Variants in RGS7 observed in about 807,000 individuals in gnomAD.
RGS7 encodes regulator of G-protein signaling 7.
Under a neutral mutation model 81.1 loss-of-function variants are expected in RGS7, and 27 were observed. The ratio of observed to expected loss-of-function variants is 0.33; its 90% CI spans 0.25 to 0.46. RGS7 has a LOEUF of 0.46. Ranked by LOEUF, RGS7 falls within the 20% of genes least tolerant of loss-of-function variation. The pLI, the probability that RGS7 is intolerant of heterozygous loss-of-function variation, is 1.00. For synonymous variants in RGS7, 208 were observed against 207.7 expected (o/e 1.00, Z -0.01); for missense variants, 396 against 607.4 (o/e 0.65, Z 3.66).
chr1:240,885,167 T>A (rs1424821320), intron 6 of RGS7, among the ~76,000 whole-genome samples: 1 of 152,208 alleles, frequency 6.6e-6, no homozygotes, highest in Non-Finnish European at 1.5e-5. Flanking sequence ...ATGTCACTGA[T>A]CATTAGAGAA....
chr1:240,970,343 C>G (rs1683000331), intron 4 of RGS7, among the ~76,000 whole-genome samples: 1 of 152,192 alleles, frequency 6.6e-6, no homozygotes, highest in South Asian at 2.1e-4. Flanking sequence ...GAAGACCTTT[C>G]AGTACATTCT....
intron 2 of RGS7, among the ~76,000 whole-genome samples, chr1:241,330,920 C>A (rs892994338): frequency 1.3e-5 from 2 of 152,150 alleles, no homozygotes; most frequent in African/African-American, 4.8e-5. Flanking sequence ...CACACATACC[C>A]CCTAAATCTA....
intron 2 of RGS7, among the ~76,000 whole-genome samples, chr1:241,265,870 A>C (rs1395027606): frequency 1.2e-4 from 18 of 144,042 alleles, no homozygotes; most frequent in Admixed American, 2.9e-4. Context: ...TCTCGGCTCA[A>C]CGCAACCTCC....
At chr1:241,302,418 A>G (rs1366837711) in intron 2 of RGS7, among the ~76,000 whole-genome samples, 7 of 152,112 alleles carry the variant, frequency 4.6e-5, no homozygotes, top group African/African-American at 1.7e-4. Context: ...GCATGGTTGC[A>G]GGCGCCTGTA....
intron 5 of RGS7, among the ~76,000 whole-genome samples, chr1:240,932,876 CTTTT>C (rs36194238): frequency 1.2e-4 from 7 of 57,310 alleles, no homozygotes; most frequent in South Asian, 8.1e-4. Flanking sequence ...TGGTATCTTT[CTTTT>C]TTTTTTTTTT....
At chr1:241,208,973 C>G (rs1308805143) in intron 2 of RGS7, among the ~76,000 whole-genome samples, 1 of 152,206 alleles carries the variant, frequency 6.6e-6, no homozygotes, top group East Asian at 1.9e-4. Flanking sequence ...AGAACAGGTG[C>G]TCCAGTGGAG....
At chr1:240,886,451 T>C (rs971862534) in intron 6 of RGS7, among the ~76,000 whole-genome samples, 8 of 152,192 alleles carry the variant, frequency 5.3e-5, no homozygotes, top group African/African-American at 1.9e-4. Context: ...AATAACTGTA[T>C]CCAACCCTGT....
chr1:241,046,063 G>A (rs1249454055), intron 3 of RGS7, among the ~76,000 whole-genome samples: 4 of 152,110 alleles, frequency 2.6e-5, no homozygotes, highest in Non-Finnish European at 5.9e-5. Context: ...TGTGGTTTAT[G>A]AGTTTAGGGT....
chr1:241,071,921 A>G (rs2062492739), intron 3 of RGS7, among the ~76,000 whole-genome samples: 1 of 150,614 alleles, frequency 6.6e-6, no homozygotes, highest in African/African-American at 2.4e-5. Flanking sequence ...AGGAAAGAAT[A>G]TACTATGTGA....
intron 10 of RGS7, among the ~76,000 whole-genome samples, chr1:240,824,334 C>A (rs13376172): frequency 0.42 from 64,224 of 152,150 alleles, 14,697 homozygotes; most frequent in Non-Finnish European, 0.51. Flanking sequence ...CAGCAGCTCT[C>A]CTTGCTACGA....
chr1:241,238,474 C>T (rs181334591), intron 2 of RGS7, among the ~76,000 whole-genome samples: 2 of 152,234 alleles, frequency 1.3e-5, no homozygotes, highest in Admixed American at 1.3e-4. Flanking sequence ...TACACAATTG[C>T]CCCAAGAATT....
intron 5 of RGS7, among the ~76,000 whole-genome samples, chr1:240,931,054 T>C (rs1460792095): frequency 3.3e-5 from 5 of 152,176 alleles, no homozygotes; most frequent in Non-Finnish European, 7.3e-5. Context: ...AAAGGTCTGA[T>C]TGTATATTCA....
intron 3 of RGS7, among the ~76,000 whole-genome samples, chr1:241,079,118 G>A (rs1281318817): frequency 1.3e-5 from 2 of 152,126 alleles, no homozygotes; most frequent in African/African-American, 2.4e-5. Flanking sequence ...CAGCAAAACC[G>A]AGTTCCTATC....
intron 5 of RGS7, among the ~76,000 whole-genome samples, chr1:240,931,767 AACTG>A (rs1675480356): frequency 1.3e-5 from 2 of 152,212 alleles, no homozygotes; most frequent in South Asian, 2.1e-4. Flanking sequence ...AGAATCTAGA[AACTG>A]ACTGACTAAA....
chr1:241,214,912 A>C (rs1374976505), intron 2 of RGS7, among the ~76,000 whole-genome samples: 1 of 152,074 alleles, frequency 6.6e-6, no homozygotes, highest in Non-Finnish European at 1.5e-5. Context: ...CTAACTATGG[A>C]TACTATAACT....
intron 2 of RGS7, among the ~76,000 whole-genome samples, chr1:241,183,085 C>T (rs2071778897): frequency 6.6e-6 from 1 of 152,064 alleles, no homozygotes; most frequent in Admixed American, 6.6e-5. Flanking sequence ...GAAGCCCAGA[C>T]TCAGAACACA....
At chr1:241,135,382 G>A (rs538577169) in intron 2 of RGS7, among the ~76,000 whole-genome samples, 62 of 152,156 alleles carry the variant, frequency 4.1e-4, no homozygotes, top group Admixed American at 2.4e-3. Context: ...AGCCGAGATC[G>A]CGCCCCTGCA....
Position 241,116,019 on chromosome 1 carries a change from T to G in RGS7, c.79-17257A>C, listed in dbSNP as rs1028021794. On this transcript the variant is annotated intron_variant, in intron 2 of 18. Coordinates refer to ENST00000440928, the MANE Select transcript of RGS7 (RefSeq NM_001364886.1). ...ACTCTCGCTCTCTCTTGCCACCACG[T>G]GTGCTTCCTCTTTGCCTTCTGCCAT... Among the ~76,000 whole-genome samples the G allele has an allele frequency of 2.0e-5, 3 of 152,138 alleles. No individual in the cohort carries two copies. In the East Asian group the frequency reaches 5.8e-4, roughly 29 times the overall value.
At chr1:241,089,931 T>G (rs965622152) in intron 3 of RGS7, among the ~76,000 whole-genome samples, 3 of 146,280 alleles carry the variant, frequency 2.1e-5, no homozygotes, top group Non-Finnish European at 4.4e-5. Context: ...GAGGTGGAGC[T>G]TGAAGTGAGC....
Sources: allele counts gnomAD v4.1 joint callset (sites outside exome capture counted in the v4.1 genomes callset), GRCh38; gene constraint gnomAD v4.1.1; transcripts MANE v1.5; gene names NCBI Gene and HGNC (gene_info 2026-07-23, HGNC 2026-07-21).